The following SMIM14 variants were observed in gnomAD, a reference collection of about 807,000 sequenced individuals.
The protein encoded by SMIM14 is small integral membrane protein 14.
SMIM14 carries 5 observed loss-of-function variants against 12.6 expected under a neutral mutation model. That is an observed-to-expected ratio of 0.40 (90% CI 0.21 to 0.83). The LOEUF (loss-of-function observed/expected upper bound fraction) is 0.83, where lower values mean the gene tolerates loss of function less well. Ranked by LOEUF, SMIM14 falls within the 40% of genes least tolerant of loss-of-function variation. SMIM14 has a pLI of 0.37. For missense variants in SMIM14, 86 were observed against 119.1 expected, an observed-to-expected ratio of 0.72 and a Z score of 1.29; for synonymous variants, 30 against 40.1, an observed-to-expected ratio of 0.75 and a Z score of 0.95.
intron 2 of SMIM14, among the ~76,000 whole-genome samples, chr4:39,582,954 G>A (rs12510127): frequency 0.13 from 19,983 of 151,810 alleles, 1,981 homozygotes; most frequent in South Asian, 0.32. Context: ...CATCACACCC[G>A]GCTAATTTTT....
chr4:39,576,686 T>TATA (rs1560289819), intron 2 of SMIM14, among the ~76,000 whole-genome samples: 53 of 4,670 alleles, frequency 0.011, no homozygotes, highest in East Asian at 0.022. Context: ...ATATATATAT[T>TATA]TTTTTTTTTT....
intron 1 of SMIM14, among the ~76,000 whole-genome samples, chr4:39,629,712 C>T (rs531174499): frequency 2.0e-5 from 3 of 152,144 alleles, no homozygotes; most frequent in Non-Finnish European, 4.4e-5. Flanking sequence ...CAGCCTCAGC[C>T]TCCCCAGCTC....
chr4:39,617,296 G>T (rs1372434546), intron 1 of SMIM14, among the ~76,000 whole-genome samples: 1 of 152,132 alleles, frequency 6.6e-6, no homozygotes, highest in African/African-American at 2.4e-5. Flanking sequence ...TGACCTAAGT[G>T]GCCTGGGGAC....
intron 2 of SMIM14, among the ~76,000 whole-genome samples, chr4:39,599,080 T>A (rs1402413124): frequency 6.6e-6 from 1 of 152,180 alleles, no homozygotes; most frequent in East Asian, 1.9e-4. Context: ...CCCAACTTGA[T>A]TGAGAGATTG....
In SMIM14 at chr4:39,634,796, C is replaced by A. The variant is rs185616145; in HGVS notation, c.-36+3943G>T. On this transcript the variant is annotated intron_variant, in intron 1 of 4. Coordinates refer to ENST00000295958, the MANE Select transcript of SMIM14 (RefSeq NM_174921.3). ...CCCAAACACCAAAGAGAATAAGGCA[C>A]TGCCCAATAAAGAGGCTGAAAATTA... is the stretch of plus-strand genomic sequence containing the variant. Among the ~76,000 whole-genome samples the A allele has an allele frequency of 3.3e-5, 5 of 152,214 alleles. No individual in the cohort carries two copies. The East Asian group carries it at 9.7e-4, about 29-fold the overall frequency.
intron 3 of SMIM14, among the ~76,000 whole-genome samples, chr4:39,569,715 C>T (rs564667696): frequency 2.3e-4 from 34 of 148,596 alleles, no homozygotes; most frequent in Admixed American, 6.8e-4. Flanking sequence ...CCAGCCTGGG[C>T]GACAAAGCGA....
At chr4:39,631,474 T>TG (rs1001504847) in intron 1 of SMIM14, among the ~76,000 whole-genome samples, 1 of 149,694 alleles carries the variant, frequency 6.7e-6, no homozygotes, top group Non-Finnish European at 1.5e-5. Flanking sequence ...CTGGCTAACA[T>TG]GGTGAAACTC....
chr4:39,633,964 G>A (rs1448669184), intron 1 of SMIM14, among the ~76,000 whole-genome samples: 4 of 152,116 alleles, frequency 2.6e-5, no homozygotes, highest in African/African-American at 7.2e-5. Flanking sequence ...ACGGAGTCTC[G>A]CTCTGTCGCA....
At chr4:39,607,368 T>C (rs774367173) in intron 1 of SMIM14, among the ~76,000 whole-genome samples, 2 of 152,234 alleles carry the variant, frequency 1.3e-5, no homozygotes, top group African/African-American at 2.4e-5. Context: ...GGCAGATCAA[T>C]AAAACAATTC....
intron 3 of SMIM14, among the ~76,000 whole-genome samples, chr4:39,570,835 G>A (rs1712843445): frequency 6.6e-6 from 1 of 151,878 alleles, no homozygotes. Context: ...TAAATAGTAA[G>A]ACAAATATAT....
intron 1 of SMIM14, among the ~76,000 whole-genome samples, chr4:39,606,344 TA>T (rs76951176): frequency 4.5e-3 from 574 of 126,366 alleles, no homozygotes; most frequent in Middle Eastern, 4.8e-3. Flanking sequence ...AGTTCATGTT[TA>T]AAAAAAAAAA....
At chr4:39,576,504 G>C (rs1444212685) in intron 2 of SMIM14, among the ~76,000 whole-genome samples, 1 of 151,014 alleles carries the variant, frequency 6.6e-6, no homozygotes, top group African/African-American at 2.4e-5. Context: ...AAGCGTCTGA[G>C]ACATGTTACT....
Position 39,568,003 on chromosome 4 carries a change from C to T in SMIM14, c.124+4412G>A, listed in dbSNP as rs190107030. Among the ~76,000 whole-genome samples the T allele has an allele frequency of 4.6e-3, 695 of 152,144 alleles. 9 individuals carry two copies. The highest frequency in any genetic ancestry group is 0.015 in the African/African-American group (643 of 41,492). ...TATAAATAAGAACATACAGGCCGGGCGCGGTAGCTCACGCCTGTAATCCCA... is the reference window on the plus strand; with the variant it reads ...TATAAATAAGAACATACAGGCCGGGTGCGGTAGCTCACGCCTGTAATCCCA... On this transcript the variant is annotated intron_variant, in intron 3 of 4. Coordinates refer to ENST00000295958, the MANE Select transcript of SMIM14 (RefSeq NM_174921.3).
At chr4:39,563,891 C>CTCT (rs1352986316) in intron 3 of SMIM14, among the ~76,000 whole-genome samples, 1 of 152,080 alleles carries the variant, frequency 6.6e-6, no homozygotes, top group African/African-American at 2.4e-5. Flanking sequence ...CCTCCTCCTC[C>CTCT]TCTTCTTCTT....
intron 1 of SMIM14, among the ~76,000 whole-genome samples, chr4:39,617,418 C>T (rs1715265847): frequency 1.3e-5 from 2 of 152,120 alleles, no homozygotes; most frequent in Admixed American, 1.3e-4. Flanking sequence ...AATAATCTTA[C>T]AGTAAGTTTC....
At chr4:39,628,276 C>T (rs1687417827) in intron 1 of SMIM14, among the ~76,000 whole-genome samples, 1 of 148,330 alleles carries the variant, frequency 6.7e-6, no homozygotes, top group Admixed American at 6.8e-5. Context: ...CATTGCACTC[C>T]AGCCAGGGCA....
chr4:39,550,564 G>A lies in SMIM14; in HGVS notation c.*1562C>T, dbSNP rs1452012019. The stretch of plus-strand genomic sequence containing the variant: ...CCCAAAGTGCTGGGATTACAGGCGT[G>A]AGCCACCGTGCCCAGCCCATGCAGA... On this transcript the variant is annotated 3_prime_UTR_variant, in exon 5 of 5. Coordinates refer to ENST00000295958, the MANE Select transcript of SMIM14 (RefSeq NM_174921.3). 2 of 152,248 alleles carry A rather than the reference G, an allele frequency of 1.3e-5. No homozygotes were observed. The highest frequency in any genetic ancestry group is 2.1e-4 in the South Asian group (1 of 4,834). 9.4% of individuals were successfully genotyped at this position (152,248 alleles called of 1,614,324 possible). A position where few individuals can be genotyped will look rare whatever the true frequency, so the allele number is the denominator to read the frequency against.
intron 3 of SMIM14, among the ~76,000 whole-genome samples, chr4:39,572,131 ATGT>A (rs1275849426): frequency 6.6e-6 from 1 of 151,848 alleles, no homozygotes; most frequent in East Asian, 1.9e-4. Flanking sequence ...TTATTTTATA[ATGT>A]TCTGCAATAA....
intron 3 of SMIM14, among the ~76,000 whole-genome samples, chr4:39,559,395 AAAAG>A (rs1450958967): frequency 3.0e-4 from 45 of 151,946 alleles, no homozygotes; most frequent in African/African-American, 1.1e-3. Flanking sequence ...TCAAAAAAAA[AAAAG>A]AAAAGAAAGG....
Sources: gnomAD v4.1 joint callset for allele counts (sites outside exome capture counted in the v4.1 genomes callset) on GRCh38, gnomAD v4.1.1 for gene constraint, MANE v1.5 for transcripts, NCBI Gene and HGNC (gene_info 2026-07-23, HGNC 2026-07-21) for gene names.